The following TMEM260 variants were observed in gnomAD, a reference collection of about 807,000 sequenced individuals.
TMEM260 encodes transmembrane protein 260.
A neutral mutation model predicts 88.9 loss-of-function variants in TMEM260; 82 were observed. The ratio of observed to expected loss-of-function variants is 0.92; its 90% CI spans 0.77 to 1.11. The LOEUF (loss-of-function observed/expected upper bound fraction) is 1.11, where lower values mean the gene tolerates loss of function less well. Among genes scored for constraint, TMEM260 ranks in the 50% least tolerant of loss-of-function variants. The pLI is 0.00. For synonymous variants in TMEM260, 314 were observed against 309.3 expected (o/e 1.02, Z -0.16); for missense variants, 902 against 853.4 (o/e 1.06, Z -0.71).
rs776768475 is a variant in TMEM260 at position 56,616,007 on chromosome 14, A to C, written c.921A>C (p.Ala307=). Residue 307 remains alanine (A), a synonymous_variant, in exon 8 of 16, where the codon GCA becomes GCC. Coordinates refer to ENST00000261556, the MANE Select transcript of TMEM260 (RefSeq NM_017799.4). ...ACATCCAAGCCCTTGCAGTTTGTGC[A>C]AATATATGTTTAGCAACAAAGTAAG... ...SFNIQALAVC[A]NICLATKDRQ... The C allele has an allele frequency of 1.9e-6, 3 of 1,612,364 alleles. No homozygotes were observed. The highest frequency in any genetic ancestry group is 2.2e-5 in the East Asian group (1 of 44,792).
chr14:56,634,491 A>G (rs1178828557), intron 13 of TMEM260, among the ~76,000 whole-genome samples: 1 of 152,242 alleles, frequency 6.6e-6, no homozygotes, highest in Admixed American at 6.5e-5. Flanking sequence ...CAGTATTTCA[A>G]GATTCATCTT....
chr14:56,616,044 C>T lies in TMEM260; in HGVS notation c.941+17C>T. 2 of 1,557,878 alleles carry T rather than the reference C, an allele frequency of 1.3e-6. No individual in the cohort carries two copies. The highest frequency in any genetic ancestry group is 1.1e-5 in the South Asian group (1 of 89,506). Reference sequence around the variant, plus strand: ...AGCAACAAAGTAAGTAATACAATTCCTTTTTCTGTTATTTTTCTATGTTCA... The same window carrying T: ...AGCAACAAAGTAAGTAATACAATTCTTTTTTCTGTTATTTTTCTATGTTCA... On this transcript the variant is annotated intron_variant, in intron 8 of 15. Coordinates refer to ENST00000261556, the MANE Select transcript of TMEM260 (RefSeq NM_017799.4).
At chr14:56,607,606 G>A (rs1229801284) in intron 5 of TMEM260, among the ~76,000 whole-genome samples, 1 of 151,994 alleles carries the variant, frequency 6.6e-6, no homozygotes, top group African/African-American at 2.4e-5. Context: ...TAAAAAGTCC[G>A]TGTTTGTTTG....
downstream of TMEM260, among the ~76,000 whole-genome samples, chr14:56,654,956 C>G (rs1451440383): frequency 6.6e-6 from 1 of 151,458 alleles, no homozygotes; most frequent in Non-Finnish European, 1.5e-5. Context: ...AAATTTGACT[C>G]TTGGTTTATA....
intron 15 of TMEM260, among the ~76,000 whole-genome samples, chr14:56,642,766 G>C (rs1405887697): frequency 1.3e-5 from 2 of 152,122 alleles, no homozygotes; most frequent in Non-Finnish European, 2.9e-5. Context: ...CCACTAGCAA[G>C]ACTAATAAAG....
chr14:56,622,171 G>A (rs1203250052), intron 11 of TMEM260, among the ~76,000 whole-genome samples: 3 of 151,408 alleles, frequency 2.0e-5, no homozygotes, highest in Non-Finnish European at 4.4e-5. Flanking sequence ...GTGAAACCCC[G>A]TCTCTACTAA....
chr14:56,621,090 A>G (rs555892460), intron 10 of TMEM260, among the ~76,000 whole-genome samples: 24 of 152,266 alleles, frequency 1.6e-4, no homozygotes, highest in Non-Finnish European at 2.9e-4. Context: ...ATGCAAGAAA[A>G]TCATACAAAT....
the TMEM260 span, among the ~76,000 whole-genome samples, chr14:56,656,898 C>T: frequency 6.6e-6 from 1 of 152,176 alleles, no homozygotes; most frequent in Admixed American, 6.5e-5. Flanking sequence ...CATGCACACA[C>T]ACAAGTAAAA....
rs770350609 is a variant in TMEM260, at chr14:56,618,583, C to T, written c.1057-11C>T. On this transcript the variant is annotated splice_polypyrimidine_tract_variant and intron_variant, in intron 9 of 15. Transcript: ENST00000261556. ...TCAACTGGACCCACTGGTTGCATGT[C>T]TCTTTCACAGGTGGAACGATTCTGG... 8 of 1,612,712 alleles carry T rather than the reference C, an allele frequency of 5.0e-6. No individual in the cohort carries two copies. The highest frequency in any genetic ancestry group is 1.1e-5 in the South Asian group (1 of 90,718).
Position 56,621,541 on chromosome 14 carries a change from C to T in TMEM260, c.1237C>T (p.Gln413Ter). 1 of 1,601,418 alleles carries T rather than the reference C, an allele frequency of 6.2e-7. No individual in the cohort carries two copies. The highest frequency in any genetic ancestry group is 8.5e-7 in the Non-Finnish European group (1 of 1,174,998). Residue 413 changes from glutamine (Q) to a stop codon, truncating the protein, a stop_gained, in exon 11 of 16, where the codon CAA becomes TAA. Transcript: ENST00000261556. LOFTEE classifies it high-confidence loss of function. ...QIYSNYSVCD[Q>*]RTNYVIDKFA... is the part of the protein sequence containing the mutation. Reference sequence around the variant, plus strand: ...GATCCTTTTATTTAGTGTTTGTGACCAAAGGACCAACTATGTGATTGATAA... The same window carrying T: ...GATCCTTTTATTTAGTGTTTGTGACTAAAGGACCAACTATGTGATTGATAA...
At position 56,647,321 on chromosome 14, in the gene TMEM260, A is replaced by G. The variant is rs1394395026; in HGVS notation, c.1948A>G (p.Met650Val). ...GAACTATGCCATCGCCTGTGAGCGG[A>G]TGCTGCGTCTTCAGGCAAGAGATGC... ...HKNYAIACER[M>V]LRLQARDADP... Residue 650 changes from methionine (M) to valine (V), a missense_variant, in exon 16 of 16, where the codon ATG becomes GTG. Met to Val is a conservative substitution (Grantham distance 21, BLOSUM62 1). Coordinates refer to ENST00000261556, the MANE Select transcript of TMEM260 (RefSeq NM_017799.4). 6.2e-7 allele frequency: 1 copy of G among 1,614,198 alleles called. No individual in the cohort carries two copies. The highest frequency in any genetic ancestry group is 2.2e-5 in the East Asian group (1 of 44,860).
In TMEM260 at chr14:56,647,613, G is replaced by A; in HGVS notation, c.*116G>A. On this transcript the variant is annotated 3_prime_UTR_variant, in exon 16 of 16. Transcript: ENST00000261556. Reference sequence around the variant, plus strand: ...AAATTTAAAACTAAGTCATCTCCCAGATATAAGTATCATGGTCCAGCAGTA... The same window carrying A: ...AAATTTAAAACTAAGTCATCTCCCAAATATAAGTATCATGGTCCAGCAGTA... The A allele has an allele frequency of 8.6e-7, 1 of 1,163,870 alleles. No homozygotes were observed. Among genetic ancestry groups the A allele is most frequent in the Non-Finnish European group, 1.2e-6 (1 of 849,784 alleles). The allele number at this position is 1,163,870 out of a possible 1,614,324, so 72.1% of individuals were successfully genotyped here.
intron 13 of TMEM260, among the ~76,000 whole-genome samples, chr14:56,633,743 G>C (rs1888806952): frequency 6.6e-6 from 1 of 152,030 alleles, no homozygotes; most frequent in Non-Finnish European, 1.5e-5. Flanking sequence ...TAGAAAATGA[G>C]TCACTATCTA....
intron 15 of TMEM260, among the ~76,000 whole-genome samples, chr14:56,637,303 A>ATGAT (rs1889179140): frequency 2.0e-5 from 3 of 152,234 alleles, no homozygotes; most frequent in Admixed American, 6.5e-5. Context: ...TACACTTGAA[A>ATGAT]TGATAGGGCC....
At chr14:56,582,071 T>C (rs1390241809) in intron 1 of TMEM260, among the ~76,000 whole-genome samples, 2 of 152,206 alleles carry the variant, frequency 1.3e-5, no homozygotes, top group Non-Finnish European at 2.9e-5. Flanking sequence ...TTGGGAATGA[T>C]AAACTGTTTT....
At chr14:56,628,812 C>G (rs987532094) in intron 12 of TMEM260, among the ~76,000 whole-genome samples, 1 of 151,934 alleles carries the variant, frequency 6.6e-6, no homozygotes, top group African/African-American at 2.4e-5. Flanking sequence ...TATGTCTCCA[C>G]CATTTGCATT....
At chr14:56,660,828 G>A in the TMEM260 span, among the ~76,000 whole-genome samples, 7 of 152,192 alleles carry the variant, frequency 4.6e-5, no homozygotes, top group Admixed American at 4.6e-4. Flanking sequence ...AATTGGCACA[G>A]ATTTTTCTTA....
chr14:56,634,277 C>A (rs1888856704), intron 13 of TMEM260, among the ~76,000 whole-genome samples: 1 of 152,160 alleles, frequency 6.6e-6, no homozygotes. Context: ...ACCTACACCT[C>A]ACCTCTGCCC....
chr14:56,621,383 C>T (rs2139598136), intron 10 of TMEM260, 148 bp from the exon 11 acceptor site: 1 of 576,488 alleles, frequency 1.7e-6, no homozygotes, highest in Non-Finnish European at 2.8e-6. Flanking sequence ...AGTATTCTCT[C>T]TTCAAATATA....
Sources: gnomAD v4.1 joint callset for allele counts (sites outside exome capture counted in the v4.1 genomes callset) on GRCh38, gnomAD v4.1.1 for gene constraint, MANE v1.5 for transcripts, NCBI Gene and HGNC (gene_info 2026-07-23, HGNC 2026-07-21) for gene names.